Variants in NOC3L observed in about 807,000 individuals in gnomAD.
The protein encoded by NOC3L is nucleolar complex protein 3 homolog.
Under a neutral mutation model 102.5 loss-of-function variants are expected in NOC3L, and 85 were observed. The ratio of observed to expected loss-of-function variants is 0.83; its 90% CI spans 0.70 to 0.99. NOC3L has a LOEUF of 0.99. NOC3L is among the 50% of genes least tolerant of loss of function. NOC3L has a pLI of 0.00. For synonymous variants in NOC3L, 303 were observed against 309.4 expected (o/e 0.98, Z 0.22); for missense variants, 878 against 914.9 (o/e 0.96, Z 0.52).
At chr10:94,316,685 A>C in the NOC3L span, 1 of 1,613,924 alleles carries the variant, frequency 6.2e-7, no homozygotes, top group Non-Finnish European at 8.5e-7. Context: ...AGAGGAGATC[A>C]TGCAAATTTT....
At chr10:94,334,815 T>C in intron 19 of NOC3L, 97 bp from the exon 20 acceptor site, 1 of 836,812 alleles carries the variant, frequency 1.2e-6, no homozygotes, top group East Asian at 2.5e-5. Context: ...TCTTAACCCA[T>C]ATATTAAGGT....
chr10:94,347,084 C>T (rs2054353046), intron 10 of NOC3L, among the ~76,000 whole-genome samples: 1 of 152,178 alleles, frequency 6.6e-6, no homozygotes, highest in South Asian at 2.1e-4. Flanking sequence ...ATACAGCAAA[C>T]TTCGCATACT....
chr10:94,316,069 ACT>A, the NOC3L span, among the ~76,000 whole-genome samples: 2 of 152,194 alleles, frequency 1.3e-5, no homozygotes, highest in East Asian at 3.9e-4. Flanking sequence ...CTTTAAGCAC[ACT>A]GTCAGAAGTT....
At chr10:94,338,857 C>T (rs1017427307) in intron 17 of NOC3L, 121 bp from the exon 18 acceptor site, 22 of 719,582 alleles carry the variant, frequency 3.1e-5, no homozygotes, top group Non-Finnish European at 4.0e-5. Flanking sequence ...TGCATAAAGT[C>T]TTTACACCTA....
intron 6 of NOC3L, among the ~76,000 whole-genome samples, chr10:94,354,324 A>G (rs983196179): frequency 2.0e-5 from 3 of 152,214 alleles, no homozygotes; most frequent in Non-Finnish European, 4.4e-5. Flanking sequence ...CGTATATTTC[A>G]TCATATAATC....
At chr10:94,344,360 T>C in intron 13 of NOC3L, 55 bp downstream of exon 13, 1 of 1,172,026 alleles carries the variant, frequency 8.5e-7, no homozygotes. Flanking sequence ...CGAAAATTCT[T>C]TGGTCTTTCC....
the NOC3L span, among the ~76,000 whole-genome samples, chr10:94,324,043 T>C: frequency 2.0e-5 from 3 of 152,350 alleles, no homozygotes; most frequent in Admixed American, 6.5e-5. Context: ...CAGACCTTTA[T>C]TGTTACTATT....
chr10:94,340,552 C>A, intron 14 of NOC3L, 56 bp from the exon 15 acceptor site: 1 of 1,440,408 alleles, frequency 6.9e-7, no homozygotes. Flanking sequence ...TGGTAATTGC[C>A]ATTTATAGCT....
At chr10:94,357,444 G>A in intron 3 of NOC3L, 113 bp from the exon 4 acceptor site, 1 of 783,322 alleles carries the variant, frequency 1.3e-6, no homozygotes, top group Admixed American at 3.8e-5. Context: ...ATAGGTATAT[G>A]GATAGTAGCA....
In NOC3L at chr10:94,352,437, A is replaced by C. The variant is rs768949222; in HGVS notation, c.859-34T>G. The C allele has an allele frequency of 2.1e-6, 3 of 1,439,246 alleles. No homozygotes were observed. The Admixed American group carries it at 5.3e-5, about 25-fold the overall frequency. The allele number at this position is 1,439,246 out of a possible 1,614,324, so 89.2% of individuals were successfully genotyped here. ...ACCAAAAAGGTCAATCATTTTTTAA[A>C]ATCAGAACATTAAAAGCCCAAAATT... On this transcript the variant is annotated intron_variant, in intron 7 of 20. Coordinates refer to ENST00000371361, the MANE Select transcript of NOC3L (RefSeq NM_022451.11).
At chr10:94,334,431 A>T in intron 20 of NOC3L, 126 bp from the exon 21 acceptor site, 1 of 674,696 alleles carries the variant, frequency 1.5e-6, no homozygotes, top group Non-Finnish European at 2.5e-6. Flanking sequence ...GATGCTTGGT[A>T]AGGTCTTGGA....
rs1302200284 is a variant in NOC3L at position 94,361,789 on chromosome 10, C to T, written c.93G>A (p.Lys31=). ...TGAGAGTGCTTTGTTGTTTAAACTGCTTATTTTTTAGCTTGTTTTCAAGTT... is the reference window on the plus strand; with the variant it reads ...TGAGAGTGCTTTGTTGTTTAAACTGTTTATTTTTTAGCTTGTTTTCAAGTT... The part of the protein sequence containing the change: ...KVKLENKLKN[K]QFKQQSTLKK... The change falls in exon 2 of 21, where the codon AAG becomes AAA. Residue 31 remains lysine, a synonymous_variant. Transcript: ENST00000371361. 6.2e-7 allele frequency: 1 copy of T among 1,613,850 alleles called. No homozygotes were observed. Among genetic ancestry groups the T allele is most frequent in the Admixed American group, 1.7e-5 (1 of 60,008 alleles).
chr10:94,324,268 C>T, the NOC3L span: 62 of 1,133,378 alleles, frequency 5.5e-5, no homozygotes, highest in Non-Finnish European at 7.5e-5. Flanking sequence ...GCCATTTTTC[C>T]ACCTTAAAGT....
At chr10:94,354,446 C>G (rs1349226352) in intron 6 of NOC3L, among the ~76,000 whole-genome samples, 1 of 151,012 alleles carries the variant, frequency 6.6e-6, no homozygotes, top group East Asian at 1.9e-4. Flanking sequence ...CAAGATTAAA[C>G]CTCAGATTTC....
intron 17 of NOC3L, 117 bp from the exon 18 acceptor site, chr10:94,338,853 A>G (rs907937579): frequency 1.0e-5 from 8 of 773,580 alleles, no homozygotes; most frequent in Non-Finnish European, 1.3e-5. Context: ...GCTTTGCATA[A>G]AGTCTTTACA....
At chr10:94,320,561 G>GGTTA in the NOC3L span, among the ~76,000 whole-genome samples, 1 of 152,134 alleles carries the variant, frequency 6.6e-6, no homozygotes, top group East Asian at 1.9e-4. Flanking sequence ...GGATTCTTCT[G>GGTTA]GTTAGTTAGT....
At chr10:94,357,060 A>G (rs117529685) in intron 4 of NOC3L, 114 bp downstream of exon 4, 21,720 of 783,724 alleles carry the variant, frequency 0.028, 383 homozygotes, top group Middle Eastern at 0.033. Flanking sequence ...GACTAATTGA[A>G]TATTTTCTAG....
chr10:94,339,843 G>A lies in NOC3L; in HGVS notation c.1858C>T (p.Gln620Ter), dbSNP rs931711886. 6.2e-7 allele frequency: 1 copy of A among 1,614,162 alleles called. No homozygotes were observed. Among genetic ancestry groups the A allele is most frequent in the African/African-American group, 1.3e-5 (1 of 75,046 alleles). ...MLTKRRKQVS[Q>*]QRALAFIKRL... Reference sequence around the variant, plus strand: ...TTGATGAAGGCAAGAGCTCGCTGCTGAGAAACTTGCTTTCTGCGCTTAGTT... The same window carrying A: ...TTGATGAAGGCAAGAGCTCGCTGCTAAGAAACTTGCTTTCTGCGCTTAGTT... Residue 620 changes from glutamine to a stop codon, truncating the protein, a stop_gained, in exon 17 of 21, where the codon CAG becomes TAG. Transcript: ENST00000371361. LOFTEE classifies it high-confidence loss of function.
At chr10:94,325,280 T>A in the NOC3L span, 1 of 595,422 alleles carries the variant, frequency 1.7e-6, no homozygotes, top group African/African-American at 1.9e-5. Flanking sequence ...TAACATGATA[T>A]GCTATTGAAC....
Sources: gnomAD v4.1 joint callset for allele counts (sites outside exome capture counted in the v4.1 genomes callset) on GRCh38, gnomAD v4.1.1 for gene constraint, MANE v1.5 for transcripts, NCBI Gene and HGNC (gene_info 2026-07-23, HGNC 2026-07-21) for gene names.